The following SLIT1 variants were observed in gnomAD, a reference collection of about 807,000 sequenced individuals.
SLIT1 encodes the protein slit homolog 1 protein.
A neutral mutation model predicts 186.1 loss-of-function variants in SLIT1; 66 were observed. The ratio of observed to expected loss-of-function variants is 0.35; its 90% CI spans 0.29 to 0.44. SLIT1 has a LOEUF of 0.44. Ranked by LOEUF, SLIT1 falls within the 20% of genes least tolerant of loss-of-function variation. SLIT1 has a pLI of 1.00. For missense variants in SLIT1, 1,638 were observed against 2,037.4 expected, an observed-to-expected ratio of 0.80 and a Z score of 3.77; for synonymous variants, 761 against 833.8, an observed-to-expected ratio of 0.91 and a Z score of 1.50.
chr10:97,142,019 T>C (rs1285822341), intron 4 of SLIT1, among the ~76,000 whole-genome samples: 4 of 151,926 alleles, frequency 2.6e-5, no homozygotes, highest in Non-Finnish European at 5.9e-5. Flanking sequence ...CCTTGGCTGG[T>C]CTCTAACTCC....
chr10:97,107,764 G>C (rs781547115), intron 4 of SLIT1, among the ~76,000 whole-genome samples: 8 of 152,108 alleles, frequency 5.3e-5, no homozygotes, highest in Non-Finnish European at 8.8e-5. Flanking sequence ...GCTGTGAGTA[G>C]GGTGGAAGAC....
In SLIT1 at chr10:97,000,946, T is replaced by G; in HGVS notation, c.*166A>C. 4 of 610,118 alleles carry G rather than the reference T, an allele frequency of 6.6e-6. No homozygotes were observed. Among genetic ancestry groups the G allele is most frequent in the Non-Finnish European group, 1.2e-5 (4 of 346,920 alleles). 37.8% of individuals were successfully genotyped at this position (610,118 alleles called of 1,614,324 possible). ...CCCGCTGCCCCCAGCTATGGCGCAA[T>G]TTGCTTTTAAAAGGCTGCTCTGGCA... On this transcript the variant is annotated 3_prime_UTR_variant, in exon 37 of 37. Transcript: ENST00000266058.
At chr10:97,145,337 C>G (rs985184731) in intron 4 of SLIT1, among the ~76,000 whole-genome samples, 17 of 152,088 alleles carry the variant, frequency 1.1e-4, no homozygotes, top group African/African-American at 4.1e-4. Flanking sequence ...GGGATGGTCT[C>G]GAACTCCTGA....
intron 4 of SLIT1, among the ~76,000 whole-genome samples, chr10:97,081,522 G>A (rs1314601949): frequency 1.3e-5 from 2 of 152,152 alleles, no homozygotes; most frequent in East Asian, 1.9e-4. Context: ...CTACGGGGCT[G>A]TCACACCCTG....
chr10:97,150,858 T>C (rs905931184), intron 4 of SLIT1, among the ~76,000 whole-genome samples: 1 of 152,142 alleles, frequency 6.6e-6, no homozygotes, highest in African/African-American at 2.4e-5. Flanking sequence ...GCAATCAGGT[T>C]TCCAGCATAT....
At chr10:97,042,308 G>A (rs765701444) in intron 20 of SLIT1, among the ~76,000 whole-genome samples, 26 of 152,138 alleles carry the variant, frequency 1.7e-4, no homozygotes, top group Admixed American at 2.0e-4. Context: ...AATTCCCTGC[G>A]GCAGGGTGCT....
intron 4 of SLIT1, among the ~76,000 whole-genome samples, chr10:97,086,407 T>TA (rs77306001): frequency 2.8e-3 from 397 of 143,418 alleles, no homozygotes; most frequent in African/African-American, 8.0e-3. Context: ...CTGTCTCTAC[T>TA]AAAAAAAAAA....
intron 18 of SLIT1, among the ~76,000 whole-genome samples, chr10:97,046,019 T>C (rs1000818776): frequency 6.6e-6 from 1 of 152,250 alleles, no homozygotes; most frequent in Non-Finnish European, 1.5e-5. Flanking sequence ...GTGACTGGTC[T>C]GGACAGCGTA....
At chr10:97,150,963 C>T (rs1849870348) in intron 4 of SLIT1, among the ~76,000 whole-genome samples, 1 of 152,196 alleles carries the variant, frequency 6.6e-6, no homozygotes, top group South Asian at 2.1e-4. Context: ...AGCTGACCTC[C>T]AAACCTAGGT....
chr10:97,178,880 A>G (rs1438284256), intron 1 of SLIT1, among the ~76,000 whole-genome samples: 2 of 152,016 alleles, frequency 1.3e-5, no homozygotes, highest in Admixed American at 6.6e-5. Context: ...AAAATCATTT[A>G]TTTGTTTTTT....
At chr10:97,107,911 C>T (rs910855074) in intron 4 of SLIT1, among the ~76,000 whole-genome samples, 3 of 152,128 alleles carry the variant, frequency 2.0e-5, no homozygotes, top group Non-Finnish European at 4.4e-5. Flanking sequence ...GAAGACAAAC[C>T]GAGGGGTTGC....
chr10:97,148,670 C>T (rs920242343), intron 4 of SLIT1, among the ~76,000 whole-genome samples: 1 of 152,174 alleles, frequency 6.6e-6, no homozygotes, highest in African/African-American at 2.4e-5. Flanking sequence ...TCCTATCATT[C>T]TTTGCTTTTC....
chr10:97,075,024 G>A (rs1849033215), intron 4 of SLIT1, among the ~76,000 whole-genome samples: 1 of 152,234 alleles, frequency 6.6e-6, no homozygotes, highest in Admixed American at 6.5e-5. Flanking sequence ...GGCTGGACTG[G>A]GCTCTGGGTT....
chr10:97,108,856 C>T (rs1849438299), intron 4 of SLIT1, among the ~76,000 whole-genome samples: 1 of 136,302 alleles, frequency 7.3e-6, no homozygotes, highest in Non-Finnish European at 1.5e-5. Context: ...CCACTGCGCT[C>T]CAGCCTGGTG....
intron 3 of SLIT1, among the ~76,000 whole-genome samples, chr10:97,162,773 C>T (rs1007443774): frequency 5.1e-5 from 7 of 138,094 alleles, no homozygotes; most frequent in African/African-American, 1.6e-4. Flanking sequence ...AGGACGAGAT[C>T]GGCGACCACC....
At chr10:97,148,699 A>G (rs1849843325) in intron 4 of SLIT1, among the ~76,000 whole-genome samples, 1 of 152,164 alleles carries the variant, frequency 6.6e-6, no homozygotes, top group Admixed American at 6.5e-5. Context: ...TCAAATGTTC[A>G]CTTTCTAGCA....
Position 97,011,145 on chromosome 10 carries a change from G to T in SLIT1, c.3204-15C>A. On this transcript the variant is annotated splice_polypyrimidine_tract_variant and intron_variant, in intron 30 of 36. Coordinates refer to ENST00000266058, the MANE Select transcript of SLIT1 (RefSeq NM_003061.3). ...TGCACTCACACCTAGTGGGTGGGGG[G>T]CAGGGGTAGTTGGGGGGTCAGCCAC... is the stretch of plus-strand genomic sequence containing the variant. The T allele has an allele frequency of 1.2e-6, 2 of 1,607,130 alleles. No homozygotes were observed. The highest frequency in any genetic ancestry group is 1.3e-5 in the African/African-American group (1 of 74,904).
Position 97,002,722 on chromosome 10 carries a change from C to A in SLIT1, c.4136G>T (p.Gly1379Val). 1 of 1,582,310 alleles carries A rather than the reference C, an allele frequency of 6.3e-7. No individual in the cohort carries two copies. The change falls in exon 35 of 37, where the codon GGC (glycine) becomes GTC (valine). Residue 1379 changes from glycine to valine, a missense_variant. This residue lies in a region of SLIT1 where 220 missense variants were observed against 211.3 expected (regional missense o/e 1.04). Coordinates refer to ENST00000266058, the MANE Select transcript of SLIT1 (RefSeq NM_003061.3). ...VGLHCDQPAD[G>V]PCHGHKCVHG... ...GGCTCACTTGTGGCCATGGCAGGGG[C>A]CGTCAGCGGGCTGGTCACAGTGCAG... is the stretch of plus-strand genomic sequence containing the variant.
intron 13 of SLIT1, 122 bp downstream of exon 13, chr10:97,056,198 TA>T: frequency 9.3e-7 from 1 of 1,080,208 alleles, no homozygotes; most frequent in Non-Finnish European, 1.3e-6. Flanking sequence ...CCTTCCTCTG[TA>T]AGAGGCCACC....
Sources: allele counts gnomAD v4.1 joint callset (sites outside exome capture counted in the v4.1 genomes callset), GRCh38; gene constraint gnomAD v4.1.1; regional missense constraint gnomAD v4.1.1; transcripts MANE v1.5; gene names NCBI Gene and HGNC (gene_info 2026-07-23, HGNC 2026-07-21).